The following RORA variants were observed in gnomAD, a reference collection of about 807,000 sequenced individuals.
The protein encoded by RORA is nuclear receptor ROR-alpha.
Under a neutral mutation model 69.5 loss-of-function variants are expected in RORA, and 7 were observed. The ratio of observed to expected loss-of-function variants is 0.10; its 90% CI spans 0.06 to 0.19. RORA has a LOEUF of 0.19. RORA is among the 10% of genes least tolerant of loss of function. The pLI is 1.00. For missense variants in RORA, 457 were observed against 663.0 expected (o/e 0.69, Z 3.41); for synonymous variants, 261 against 240.8 (o/e 1.08, Z -0.78).
chr15:61,112,287 G>C (rs1004894011), intron 1 of RORA, among the ~76,000 whole-genome samples: 5 of 152,132 alleles, frequency 3.3e-5, no homozygotes, highest in African/African-American at 1.2e-4. Flanking sequence ...ATCCGTCATG[G>C]ACTGGGGGGC....
At chr15:60,796,857 A>C (rs1434489648) in intron 1 of RORA, among the ~76,000 whole-genome samples, 1 of 151,968 alleles carries the variant, frequency 6.6e-6, no homozygotes. Flanking sequence ...TCAGCCACAA[A>C]AAAAAGAATA....
At chr15:60,984,571 T>C (rs1894140995) in intron 1 of RORA, among the ~76,000 whole-genome samples, 1 of 152,112 alleles carries the variant, frequency 6.6e-6, no homozygotes, top group African/African-American at 2.4e-5. Flanking sequence ...GGAGGTAACA[T>C]ACACAAATAA....
At chr15:61,035,799 C>T (rs1896430004) in intron 1 of RORA, among the ~76,000 whole-genome samples, 2 of 152,230 alleles carry the variant, frequency 1.3e-5, no homozygotes, top group Admixed American at 1.3e-4. Context: ...AGAAGCATTT[C>T]TAAGCAACTG....
chr15:60,932,962 C>G (rs1482439792), intron 1 of RORA, among the ~76,000 whole-genome samples: 1 of 152,322 alleles, frequency 6.6e-6, no homozygotes, highest in East Asian at 1.9e-4. Context: ...CGTCAGACAA[C>G]CTTTCACTTA....
intron 1 of RORA, among the ~76,000 whole-genome samples, chr15:60,803,058 A>G (rs2072610293): frequency 6.6e-6 from 1 of 152,220 alleles, no homozygotes; most frequent in Non-Finnish European, 1.5e-5. Flanking sequence ...CCTAAACCTA[A>G]CAGCTTGGTT....
In RORA at chr15:60,492,490, A is replaced by G. The variant is rs1212196959; in HGVS notation, c.*4965T>C. On this transcript the variant is annotated 3_prime_UTR_variant, in exon 11 of 11. Transcript: ENST00000335670. ...CTTCTAGAGGAGAACCCATGAAAAC[A>G]ATAGTTAATTGCTGGTATTTTAAAA... The G allele has an allele frequency of 6.6e-6, 1 of 152,200 alleles. No individual in the cohort carries two copies. The highest frequency in any genetic ancestry group is 1.5e-5 in the Non-Finnish European group (1 of 68,014). The allele number at this position is 152,200 out of a possible 1,614,324, so 9.4% of individuals were successfully genotyped here. A position where few individuals can be genotyped will look rare whatever the true frequency, so the allele number is the denominator to read the frequency against.
chr15:60,976,466 G>A, intron 1 of RORA, among the ~76,000 whole-genome samples: 1 of 152,138 alleles, frequency 6.6e-6, no homozygotes, highest in East Asian at 1.9e-4. Context: ...ACTGAAGATG[G>A]ATCCTTCTAG....
At chr15:61,043,005 GAC>G (rs1256049768) in intron 1 of RORA, among the ~76,000 whole-genome samples, 3 of 152,200 alleles carry the variant, frequency 2.0e-5, no homozygotes, top group Non-Finnish European at 1.5e-5. Context: ...ACTGCAGTCA[GAC>G]ACAGACAGCA....
At chr15:60,614,552 G>A (rs149997981) in intron 2 of RORA, among the ~76,000 whole-genome samples, 2 of 152,240 alleles carry the variant, frequency 1.3e-5, no homozygotes, top group South Asian at 2.1e-4. Context: ...AGCATTCAAG[G>A]GTTTGGAATG....
At chr15:61,113,195 C>T (rs1487757137) in intron 1 of RORA, among the ~76,000 whole-genome samples, 1 of 152,202 alleles carries the variant, frequency 6.6e-6, no homozygotes, top group South Asian at 2.1e-4. Context: ...TCTAACCTTA[C>T]AAGGTAAGTG....
intron 1 of RORA, among the ~76,000 whole-genome samples, chr15:61,162,993 A>G (rs747815521): frequency 6.6e-6 from 1 of 152,208 alleles, no homozygotes; most frequent in Non-Finnish European, 1.5e-5. Flanking sequence ...AGGTGCAAGG[A>G]CCTGATTTAT....
At chr15:61,006,588 G>A (rs1338297456) in intron 1 of RORA, among the ~76,000 whole-genome samples, 1 of 152,178 alleles carries the variant, frequency 6.6e-6, no homozygotes, top group Non-Finnish European at 1.5e-5. Context: ...AAAAACACCT[G>A]CTGCACACAA....
chr15:60,807,333 C>T (rs1322345139), intron 1 of RORA, among the ~76,000 whole-genome samples: 1 of 151,936 alleles, frequency 6.6e-6, no homozygotes, highest in Non-Finnish European at 1.5e-5. Context: ...CAAAACAAAA[C>T]AAAACAAAAC....
intron 1 of RORA, among the ~76,000 whole-genome samples, chr15:60,887,141 T>TGAGAGAGAGAGAGA (rs3053903): frequency 1.4e-5 from 2 of 148,012 alleles, no homozygotes; most frequent in African/African-American, 5.0e-5. Context: ...TTGCCAGAGC[T>TGAGAGAGAGAGAGA]GAGAGAGAGA....
intron 1 of RORA, among the ~76,000 whole-genome samples, chr15:60,881,105 G>A (rs574342568): frequency 6.6e-6 from 1 of 152,330 alleles, no homozygotes; most frequent in Admixed American, 6.5e-5. Flanking sequence ...TCCACACTGA[G>A]TCTTATGACT....
chr15:60,870,068 T>C (rs926201188), intron 1 of RORA, among the ~76,000 whole-genome samples: 1 of 152,224 alleles, frequency 6.6e-6, no homozygotes, highest in African/African-American at 2.4e-5. Context: ...GGTATAAGAA[T>C]TCAATCAGAC....
In RORA at chr15:61,185,568, A is replaced by G. The variant is rs529134472; in HGVS notation, c.166+43485T>C. 3.3e-5 allele frequency among the ~76,000 whole-genome samples: 5 copies of G among 152,290 alleles called. No individual in the cohort carries two copies. In the East Asian group the frequency reaches 9.6e-4, roughly 29 times the overall value. On this transcript the variant is annotated intron_variant, in intron 1 of 10. Transcript: ENST00000335670. The stretch of plus-strand genomic sequence containing the variant: ...ACACTGCTATCTCACTGGTCCCCCA[A>G]ACTAGAAATCTTAGATTTGTCAGTC...
At chr15:61,107,220 C>T (rs184865171) in intron 1 of RORA, among the ~76,000 whole-genome samples, 287 of 152,280 alleles carry the variant, frequency 1.9e-3, no homozygotes, top group African/African-American at 6.6e-3. Flanking sequence ...CATTAGAAAA[C>T]GCAGGCTCTT....
chr15:60,817,540 T>A (rs542535066), intron 1 of RORA, among the ~76,000 whole-genome samples: 2 of 152,362 alleles, frequency 1.3e-5, no homozygotes, highest in Non-Finnish European at 1.5e-5. Flanking sequence ...ACCTGTGCAA[T>A]ACAACACCAG....
Sources: allele counts gnomAD v4.1 joint callset (sites outside exome capture counted in the v4.1 genomes callset), GRCh38; gene constraint gnomAD v4.1.1; transcripts MANE v1.5; gene names NCBI Gene and HGNC (gene_info 2026-07-23, HGNC 2026-07-21).